The following RCAN1 variants were observed in gnomAD, a reference collection of about 807,000 sequenced individuals.
The protein encoded by RCAN1 is calcipressin-1.
In RCAN1, 11 loss-of-function variants were observed where a neutral mutation model predicts 22.9. The ratio of observed to expected loss-of-function variants is 0.48; its 90% CI spans 0.30 to 0.79. The LOEUF is 0.79. Ranked by LOEUF, RCAN1 falls within the 30% of genes least tolerant of loss-of-function variation. RCAN1 has a pLI of 0.06. For missense variants in RCAN1, 291 were observed against 337.8 expected, an observed-to-expected ratio of 0.86 and a Z score of 1.09; for synonymous variants, 136 against 142.3, an observed-to-expected ratio of 0.96 and a Z score of 0.32.
intron 1 of RCAN1, among the ~76,000 whole-genome samples, chr21:34,563,754 CAA>C (rs58299654): frequency 0.15 from 6,678 of 43,952 alleles, 523 homozygotes; most frequent in African/African-American, 0.19. Context: ...CTAAAAATAC[CAA>C]AAAAAAAAAA....
intron 1 of RCAN1, among the ~76,000 whole-genome samples, chr21:34,560,346 A>G (rs1362964682): frequency 1.3e-5 from 2 of 152,238 alleles, no homozygotes; most frequent in African/African-American, 4.8e-5. Context: ...ACTGCTCCAC[A>G]TAAGCAAAGC....
chr21:34,612,255 T>G lies in RCAN1; in HGVS notation c.252+2505A>C, dbSNP rs541642087. ...TAGAATCACACCTGAATCCTTACCATGGCCCCAGGGGGATGTTTTCTGGTT... is the reference window on the plus strand; with the variant it reads ...TAGAATCACACCTGAATCCTTACCAGGGCCCCAGGGGGATGTTTTCTGGTT... On this transcript the variant is annotated intron_variant, in intron 1 of 3. Transcript: ENST00000313806. Among the ~76,000 whole-genome samples, 4 of 152,314 alleles carry G rather than the reference T, an allele frequency of 2.6e-5. No homozygotes were observed. The East Asian group carries it at 7.7e-4, about 30-fold the overall frequency.
chr21:34,578,601 C>G (rs564921623), intron 1 of RCAN1, among the ~76,000 whole-genome samples: 2 of 152,232 alleles, frequency 1.3e-5, no homozygotes, highest in South Asian at 4.2e-4. Context: ...GTCTTGGTGG[C>G]CCCACTCTGG....
intron 1 of RCAN1, chr21:34,525,263 T>A (rs1001140396): frequency 2.6e-6 from 4 of 1,550,440 alleles, no homozygotes; most frequent in Admixed American, 2.0e-5. Flanking sequence ...GCCAGGCAGG[T>A]CGTTAAGGAG....
Position 34,553,371 on chromosome 21 carries a change from T to C in RCAN1, c.253-29661A>G, listed in dbSNP as rs540600185. On this transcript the variant is annotated intron_variant, in intron 1 of 3. Coordinates refer to ENST00000313806, the MANE Select transcript of RCAN1 (RefSeq NM_004414.7). ...ATTATAATAATAAAAAAAAAGACTC[T>C]AGGTGTCTGGATCAGTATGCCACAT... 3.3e-5 allele frequency among the ~76,000 whole-genome samples: 5 copies of C among 152,322 alleles called. No individual in the cohort carries two copies. In the South Asian group the frequency reaches 8.3e-4, roughly 25 times the overall value.
At chr21:34,533,062 G>A (rs528394867) in intron 1 of RCAN1, among the ~76,000 whole-genome samples, 19 of 150,926 alleles carry the variant, frequency 1.3e-4, no homozygotes, top group South Asian at 1.0e-3. Flanking sequence ...CCGGGTTCAC[G>A]CCATTCTCCT....
chr21:34,526,802 G>A, intron 1 of RCAN1: 1 of 1,572,260 alleles, frequency 6.4e-7, no homozygotes, highest in Non-Finnish European at 8.6e-7. Flanking sequence ...AGCCCCTAGT[G>A]AGATTCCTTT....
intron 1 of RCAN1, among the ~76,000 whole-genome samples, chr21:34,533,871 C>T (rs968616092): frequency 6.6e-6 from 1 of 152,136 alleles, no homozygotes. Context: ...CATTCTGGCC[C>T]AGGGAACAGC....
At position 34,558,422 on chromosome 21, in the gene RCAN1, A is replaced by C. The variant is rs1986665779; in HGVS notation, c.253-34712T>G. 2.0e-5 allele frequency among the ~76,000 whole-genome samples: 3 copies of C among 152,240 alleles called. No individual in the cohort carries two copies. The East Asian group carries it at 5.8e-4, about 29-fold the overall frequency. ...ACCTCCACCGTGACTGAGAATTGAG[A>C]TGACTGATGAGCTGGAATGATCAAG... On this transcript the variant is annotated intron_variant, in intron 1 of 3. Transcript: ENST00000313806.
intron 1 of RCAN1, among the ~76,000 whole-genome samples, chr21:34,529,869 T>C (rs1280018465): frequency 1.3e-5 from 2 of 152,198 alleles, no homozygotes; most frequent in Non-Finnish European, 1.5e-5. Context: ...CAGTCTTTCC[T>C]GTGCTATTCT....
At chr21:34,519,341 AG>A (rs1984299250) in intron 3 of RCAN1, among the ~76,000 whole-genome samples, 1 of 149,874 alleles carries the variant, frequency 6.7e-6, no homozygotes, top group Non-Finnish European at 1.5e-5. Context: ...GTTTTCTTCC[AG>A]GGCTTTGTGC....
chr21:34,572,877 C>A (rs1987280281), intron 1 of RCAN1, among the ~76,000 whole-genome samples: 1 of 152,128 alleles, frequency 6.6e-6, no homozygotes, highest in Non-Finnish European at 1.5e-5. Flanking sequence ...AGGGGAGATG[C>A]TATACACTCT....
At chr21:34,564,073 G>C (rs61458544) in intron 1 of RCAN1, among the ~76,000 whole-genome samples, 37,419 of 151,810 alleles carry the variant, frequency 0.25, 5,476 homozygotes, top group African/African-American at 0.4. Flanking sequence ...TTACAATCAT[G>C]GTGGAAGGCA....
intron 2 of RCAN1, 104 bp downstream of exon 2, chr21:34,523,433 C>G: frequency 1.8e-6 from 2 of 1,110,542 alleles, no homozygotes; most frequent in Non-Finnish European, 2.6e-6. Context: ...AAGGTGAAGT[C>G]TCAGAGTTTC....
chr21:34,546,508 T>C (rs1485542402), intron 1 of RCAN1, among the ~76,000 whole-genome samples: 4 of 152,148 alleles, frequency 2.6e-5, no homozygotes, highest in African/African-American at 7.2e-5. Flanking sequence ...TGTTAACAGG[T>C]ACACAACTCC....
chr21:34,534,325 T>TAAAGCCTA (rs1362960254), intron 1 of RCAN1, among the ~76,000 whole-genome samples: 1 of 151,938 alleles, frequency 6.6e-6, no homozygotes, highest in Non-Finnish European at 1.5e-5. Flanking sequence ...GTTCATCCTT[T>TAAAGCCTA]AAAGCCTATC....
At chr21:34,519,991 A>G (rs1228056568) in intron 3 of RCAN1, among the ~76,000 whole-genome samples, 1 of 152,162 alleles carries the variant, frequency 6.6e-6, no homozygotes, top group East Asian at 1.9e-4. Flanking sequence ...GCTGGTTAAG[A>G]GCCTCTTACA....
intron 2 of RCAN1, chr21:34,522,035 C>T: frequency 5.8e-6 from 1 of 172,832 alleles, no homozygotes; most frequent in Non-Finnish European, 1.2e-5. Flanking sequence ...CCTCATACCA[C>T]AGAGGCAAGC....
Position 34,563,898 on chromosome 21 carries a change from G to A in RCAN1, c.253-40188C>T, listed in dbSNP as rs553180839. Among the ~76,000 whole-genome samples the A allele has an allele frequency of 8.0e-4, 121 of 150,550 alleles. 1 individual carries two copies. Among genetic ancestry groups the A allele is most frequent in the South Asian group, 7.6e-3 (36 of 4,726 alleles). On this transcript the variant is annotated intron_variant, in intron 1 of 3. Coordinates refer to ENST00000313806, the MANE Select transcript of RCAN1 (RefSeq NM_004414.7). ...GAAGAATCACTTGAACTAGGGAGGCGGAGGTTGCAGTGAGCCGAGATAGTG... is the reference window on the plus strand; with the variant it reads ...GAAGAATCACTTGAACTAGGGAGGCAGAGGTTGCAGTGAGCCGAGATAGTG...
Sources: allele counts gnomAD v4.1 joint callset (sites outside exome capture counted in the v4.1 genomes callset), GRCh38; gene constraint gnomAD v4.1.1; transcripts MANE v1.5; gene names NCBI Gene and HGNC (gene_info 2026-07-23, HGNC 2026-07-21).